PTK2B: variants seen among roughly 807,000 people sequenced by gnomAD.
PTK2B encodes protein-tyrosine kinase 2-beta.
PTK2B carries 71 observed loss-of-function variants against 142.9 expected under a neutral mutation model. That is an observed-to-expected ratio of 0.50 (90% CI 0.41 to 0.61). The LOEUF is 0.61. Among genes scored for constraint, PTK2B ranks in the 20% least tolerant of loss-of-function variants. The probability of loss-of-function intolerance (pLI) is 0.00; values close to 1 mark genes in which losing one functional copy is unlikely to be tolerated. For synonymous variants in PTK2B, 519 were observed against 503.4 expected (o/e 1.03, Z -0.42); for missense variants, 1,105 against 1,320.4 (o/e 0.84, Z 2.53).
chr8:27,401,894 A>T (rs1808407796), intron 2 of PTK2B, among the ~76,000 whole-genome samples: 1 of 152,002 alleles, frequency 6.6e-6, no homozygotes, highest in Non-Finnish European at 1.5e-5. Flanking sequence ...GGTGATGGTG[A>T]TGATGATGGT....
At chr8:27,375,930 A>T (rs567066634) in intron 1 of PTK2B, among the ~76,000 whole-genome samples, 1 of 152,354 alleles carries the variant, frequency 6.6e-6, no homozygotes, top group African/African-American at 2.4e-5. Context: ...CACTTGACAC[A>T]TGATGCCAAT....
At chr8:27,432,018 T>G in intron 9 of PTK2B, 1 of 413,932 alleles carries the variant, frequency 2.4e-6, no homozygotes, top group Non-Finnish European at 4.3e-6. Context: ...CTTCATCAAG[T>G]AGTGTTAGTG....
intron 1 of PTK2B, among the ~76,000 whole-genome samples, chr8:27,368,236 C>T (rs945818601): frequency 5.9e-5 from 9 of 152,246 alleles, no homozygotes; most frequent in Non-Finnish European, 1.2e-4. Context: ...ATATCCTGCT[C>T]TCTTTGCTTT....
At chr8:27,315,185 G>T (rs566383050) in intron 3 of PTK2B, among the ~76,000 whole-genome samples, 3 of 152,168 alleles carry the variant, frequency 2.0e-5, no homozygotes, top group African/African-American at 7.2e-5. Context: ...CTTAAATGTG[G>T]TTCATGGTTC....
intron 2 of PTK2B, among the ~76,000 whole-genome samples, chr8:27,413,467 G>A (rs1006027442): frequency 6.6e-6 from 1 of 152,222 alleles, no homozygotes; most frequent in Non-Finnish European, 1.5e-5. Flanking sequence ...ATCTGGGAGA[G>A]TTCCTAAATC....
At chr8:27,401,967 C>T (rs914138631) in intron 2 of PTK2B, among the ~76,000 whole-genome samples, 4 of 152,004 alleles carry the variant, frequency 2.6e-5, no homozygotes, top group South Asian at 2.1e-4. Context: ...GCAGCTAGCA[C>T]TTTGGAAAGC....
chr8:27,393,692 G>T (rs1163657310), intron 1 of PTK2B, among the ~76,000 whole-genome samples: 1 of 152,138 alleles, frequency 6.6e-6, no homozygotes, highest in Non-Finnish European at 1.5e-5. Context: ...TTTTAGAGAA[G>T]TTTTTGTTTC....
chr8:27,454,422 A>G, intron 29 of PTK2B, 109 bp from the exon 30 acceptor site: 1 of 1,542,472 alleles, frequency 6.5e-7, no homozygotes, highest in Non-Finnish European at 8.9e-7. Flanking sequence ...ATTGAGTCCC[A>G]GGCCACTCGC....
chr8:27,347,341 C>T (rs907364951), intron 1 of PTK2B, among the ~76,000 whole-genome samples: 4 of 152,172 alleles, frequency 2.6e-5, no homozygotes, highest in Non-Finnish European at 5.9e-5. Flanking sequence ...GATCCACCCA[C>T]CTCGGCCTCC....
intron 1 of PTK2B, among the ~76,000 whole-genome samples, chr8:27,357,001 G>A (rs892672856): frequency 6.6e-6 from 1 of 152,138 alleles, no homozygotes; most frequent in Non-Finnish European, 1.5e-5. Context: ...TCTCATGAGT[G>A]TGTTCACAGG....
chr8:27,406,355 T>C (rs1808712995), intron 2 of PTK2B, among the ~76,000 whole-genome samples: 2 of 152,130 alleles, frequency 1.3e-5, no homozygotes, highest in South Asian at 4.1e-4. Context: ...GACATATCTT[T>C]TGGGGGCCAC....
intron 1 of PTK2B, among the ~76,000 whole-genome samples, chr8:27,380,163 G>A (rs1806927287): frequency 6.6e-6 from 1 of 152,098 alleles, no homozygotes; most frequent in African/African-American, 2.4e-5. Flanking sequence ...ATGATCCACA[G>A]GAGACTCTCG....
chr8:27,386,693 G>C (rs940402459), intron 1 of PTK2B, among the ~76,000 whole-genome samples: 1 of 152,124 alleles, frequency 6.6e-6, no homozygotes, highest in Non-Finnish European at 1.5e-5. Context: ...ATGGTTTTGA[G>C]GTCTGTTTAC....
intron 1 of PTK2B, among the ~76,000 whole-genome samples, chr8:27,387,594 C>T (rs1398380269): frequency 6.6e-6 from 1 of 152,158 alleles, no homozygotes; most frequent in African/African-American, 2.4e-5. Flanking sequence ...GCCTCTCAAA[C>T]CCCAGGCCCT....
At chr8:27,371,006 C>T (rs954511098) in intron 1 of PTK2B, among the ~76,000 whole-genome samples, 1 of 152,102 alleles carries the variant, frequency 6.6e-6, no homozygotes, top group African/African-American at 2.4e-5. Flanking sequence ...AATGATCCTT[C>T]CACCTCAGCC....
chr8:27,360,539 C>T (rs191289658), intron 1 of PTK2B, among the ~76,000 whole-genome samples: 5 of 151,964 alleles, frequency 3.3e-5, no homozygotes, highest in South Asian at 2.1e-4. Flanking sequence ...CTTCCAGCCC[C>T]GTTCCTCCAC....
At chr8:27,316,354 T>G (rs891662349) in intron 3 of PTK2B, among the ~76,000 whole-genome samples, 1 of 152,164 alleles carries the variant, frequency 6.6e-6, no homozygotes, top group Non-Finnish European at 1.5e-5. Flanking sequence ...AGGCAGAGAT[T>G]GTTAGATTAT....
rs1390395602 is a variant in PTK2B, at chr8:27,451,616, C to T, written c.2548+107C>T. The T allele has an allele frequency of 5.7e-6, 9 of 1,584,288 alleles. No individual in the cohort carries two copies. In the East Asian group the frequency reaches 2.0e-4, roughly 36 times the overall value. On this transcript the variant is annotated intron_variant, in intron 27 of 30. Transcript: ENST00000346049. ...GGGAGCAGCGGAGTCTGTCTGCATT[C>T]CCTGCAGCATCGGCCATGATTTAAT...
At chr8:27,353,834 A>G (rs1427621796) in intron 1 of PTK2B, among the ~76,000 whole-genome samples, 1 of 152,210 alleles carries the variant, frequency 6.6e-6, no homozygotes, top group Non-Finnish European at 1.5e-5. Flanking sequence ...CTCAGCAGAA[A>G]TGGGCCTGCT....
Sources: allele counts gnomAD v4.1 joint callset (sites outside exome capture counted in the v4.1 genomes callset), GRCh38; gene constraint gnomAD v4.1.1; transcripts MANE v1.5; gene names NCBI Gene and HGNC (gene_info 2026-07-23, HGNC 2026-07-21).